The following AGBL1 variants were observed in gnomAD, a reference collection of about 807,000 sequenced individuals.
The protein encoded by AGBL1 is cytosolic carboxypeptidase 4.
Under a neutral mutation model 118.9 loss-of-function variants are expected in AGBL1, and 130 were observed. That is an observed-to-expected ratio of 1.09 (90% CI 0.95 to 1.26). The LOEUF (loss-of-function observed/expected upper bound fraction) is 1.26, where lower values mean the gene tolerates loss of function less well. Among genes scored for constraint, AGBL1 ranks in the 50% most tolerant of loss-of-function variants. The pLI, the probability that AGBL1 is intolerant of heterozygous loss-of-function variation, is 0.00. For missense variants in AGBL1, 1,584 were observed against 1,298.1 expected (o/e 1.22, Z -3.38); for synonymous variants, 555 against 478.9 (o/e 1.16, Z -2.08).
At chr15:86,114,646 A>G (rs1191880568) in intron 1 of AGBL1, among the ~76,000 whole-genome samples, 1 of 152,142 alleles carries the variant, frequency 6.6e-6, no homozygotes, top group Non-Finnish European at 1.5e-5. Flanking sequence ...TCACAATTCC[A>G]TGCATATGAA....
At chr15:86,262,917 G>C in intron 10 of AGBL1, 23 bp downstream of exon 10, 1 of 1,530,454 alleles carries the variant, frequency 6.5e-7, no homozygotes, top group South Asian at 1.2e-5. Flanking sequence ...CTGTGGTTCT[G>C]ATCTTTGACG....
chr15:86,912,553 T>C lies in AGBL1; in HGVS notation c.*5259T>C, dbSNP rs2080366146. 6.6e-6 allele frequency: 1 copy of C among 152,148 alleles called. No homozygotes were observed. Among genetic ancestry groups the C allele is most frequent in the Non-Finnish European group, 1.5e-5 (1 of 68,036 alleles). 9.4% of individuals were successfully genotyped at this position (152,148 alleles called of 1,614,324 possible). ...TCAGAGCCACCAAGAATATTTGAAA[T>C]TAACCTGCTCCCTGAGTTACAAGCT... On this transcript the variant is annotated 3_prime_UTR_variant, in exon 23 of 23. Coordinates refer to ENST00000614907, the MANE Select transcript of AGBL1 (RefSeq NM_001386094.1).
chr15:86,216,071 A>G (rs2078182880), intron 5 of AGBL1, among the ~76,000 whole-genome samples: 1 of 152,298 alleles, frequency 6.6e-6, no homozygotes, highest in Middle Eastern at 3.4e-3. Flanking sequence ...ATGTATAGAG[A>G]TACAATTGAC....
At chr15:86,683,858 C>A (rs1342458356) in intron 22 of AGBL1, among the ~76,000 whole-genome samples, 1 of 152,192 alleles carries the variant, frequency 6.6e-6, no homozygotes, top group East Asian at 1.9e-4. Flanking sequence ...AATAGCCTGG[C>A]ATGGGTGGTC....
chr15:86,632,100 A>C (rs1363261680), intron 21 of AGBL1, among the ~76,000 whole-genome samples: 1 of 151,120 alleles, frequency 6.6e-6, no homozygotes, highest in African/African-American at 2.4e-5. Context: ...CCCTGTCTCC[A>C]CAATTTTTTT....
chr15:86,268,809 C>T (rs1473591006), intron 13 of AGBL1, among the ~76,000 whole-genome samples: 1 of 152,120 alleles, frequency 6.6e-6, no homozygotes, highest in African/African-American at 2.4e-5. Flanking sequence ...CTACTCTGCT[C>T]TCATCTGTCT....
At chr15:86,221,159 C>T (rs2078274496) in intron 5 of AGBL1, among the ~76,000 whole-genome samples, 2 of 152,050 alleles carry the variant, frequency 1.3e-5, no homozygotes, top group Non-Finnish European at 2.9e-5. Flanking sequence ...GATTGTACAA[C>T]TACACTCCAG....
intron 17 of AGBL1, among the ~76,000 whole-genome samples, chr15:86,391,352 T>A (rs982264641): frequency 8.5e-5 from 13 of 152,154 alleles, no homozygotes; most frequent in African/African-American, 3.1e-4. Flanking sequence ...TTGGAAAACG[T>A]AGCATGTGTC....
At chr15:86,950,886 C>T (rs915842629) in intron 23 of AGBL1, among the ~76,000 whole-genome samples, 23 of 151,858 alleles carry the variant, frequency 1.5e-4, no homozygotes, top group Non-Finnish European at 2.9e-5. Flanking sequence ...CACTACAATC[C>T]CCTTAGATAA....
intron 18 of AGBL1, among the ~76,000 whole-genome samples, chr15:86,426,025 G>A (rs2081862691): frequency 6.6e-6 from 1 of 152,080 alleles, no homozygotes; most frequent in African/African-American, 2.4e-5. Flanking sequence ...GGGAGAGGTA[G>A]CAAACATTTT....
intron 24 of AGBL1, among the ~76,000 whole-genome samples, chr15:87,022,798 C>G (rs577735240): frequency 1.3e-5 from 2 of 152,018 alleles, no homozygotes; most frequent in African/African-American, 4.8e-5. Flanking sequence ...GATTGGGGCC[C>G]TATTTTCAGC....
intron 5 of AGBL1, among the ~76,000 whole-genome samples, chr15:86,187,945 C>T (rs1212265513): frequency 6.6e-6 from 1 of 152,214 alleles, no homozygotes; most frequent in South Asian, 2.1e-4. Flanking sequence ...CATCCACATG[C>T]ATTTCTTCAA....
chr15:86,158,917 C>T lies in AGBL1; in HGVS notation c.395-16C>T, dbSNP rs2077229349. The stretch of plus-strand genomic sequence containing the variant: ...TCCACTTGTGACCATAACTACTGTG[C>T]TTTTGTTTTTCTTAGTCTCCATGGG... On this transcript the variant is annotated splice_polypyrimidine_tract_variant and intron_variant, in intron 4 of 22. Transcript: ENST00000614907. 1 of 1,611,054 alleles carries T rather than the reference C, an allele frequency of 6.2e-7. No homozygotes were observed.
intron 5 of AGBL1, among the ~76,000 whole-genome samples, chr15:86,208,372 T>C (rs1261180260): frequency 1.3e-5 from 2 of 152,216 alleles, no homozygotes; most frequent in South Asian, 2.1e-4. Context: ...TTTCTATTGA[T>C]TGGAATAGTT....
intron 3 of AGBL1, among the ~76,000 whole-genome samples, chr15:86,153,604 C>A (rs1346636247): frequency 6.6e-6 from 1 of 152,316 alleles, no homozygotes; most frequent in East Asian, 1.9e-4. Context: ...CACATGTATA[C>A]ATATGTAACA....
Position 86,295,377 on chromosome 15 carries a change from G to A in AGBL1, c.2343G>A (p.Glu781=). ...CPLVTITAMP[E]SNSDEHLEQF... is the part of the protein sequence containing the mutation. ...TGGTGACCATCACGGCCATGCCTGA[G>A]TCCAACAGTGATGAGCATCTAGAGC... The change falls in exon 17 of 23, where the codon GAG becomes GAA. Residue 781 remains glutamate, a synonymous_variant. Transcript: ENST00000614907. 6.2e-7 allele frequency: 1 copy of A among 1,603,962 alleles called. No individual in the cohort carries two copies. Among genetic ancestry groups the A allele is most frequent in the Non-Finnish European group, 8.5e-7 (1 of 1,175,662 alleles).
chr15:86,539,127 G>A (rs966998285), intron 19 of AGBL1, among the ~76,000 whole-genome samples: 4 of 152,162 alleles, frequency 2.6e-5, no homozygotes, highest in African/African-American at 7.2e-5. Flanking sequence ...ACAGAGAGGG[G>A]AATTGGTTTA....
intron 22 of AGBL1, among the ~76,000 whole-genome samples, chr15:86,868,107 T>G (rs2079659190): frequency 1.3e-5 from 2 of 152,138 alleles, no homozygotes; most frequent in Admixed American, 1.3e-4. Context: ...GAGGTCAGGA[T>G]GTAACATCAG....
At chr15:86,969,651 G>T (rs1462073107) in intron 23 of AGBL1, among the ~76,000 whole-genome samples, 3 of 151,978 alleles carry the variant, frequency 2.0e-5, no homozygotes, top group Admixed American at 6.6e-5. Flanking sequence ...TCATGTGTTG[G>T]TATATGTGGG....
Sources: gnomAD v4.1 joint callset for allele counts (sites outside exome capture counted in the v4.1 genomes callset) on GRCh38, gnomAD v4.1.1 for gene constraint, MANE v1.5 for transcripts, NCBI Gene and HGNC (gene_info 2026-07-23, HGNC 2026-07-21) for gene names.